The following ARHGAP10 variants were observed in gnomAD, a reference collection of about 807,000 sequenced individuals.
The protein encoded by ARHGAP10 is Rho GTPase activating protein 10, also known as rho GTPase-activating protein 10.
ARHGAP10 carries 87 observed loss-of-function variants against 108.6 expected under a neutral mutation model. The ratio of observed to expected loss-of-function variants is 0.80; its 90% CI spans 0.67 to 0.96. The LOEUF is 0.96. Among genes scored for constraint, ARHGAP10 ranks in the 40% least tolerant of loss-of-function variants. The probability of loss-of-function intolerance (pLI) is 0.00; values close to 1 mark genes in which losing one functional copy is unlikely to be tolerated. For synonymous variants in ARHGAP10, 347 were observed against 341.1 expected, an observed-to-expected ratio of 1.02 and a Z score of -0.19; for missense variants, 939 against 954.5, an observed-to-expected ratio of 0.98 and a Z score of 0.21.
intron 22 of ARHGAP10, 146 bp downstream of exon 22, chr4:148,064,653 A>G: frequency 1.4e-6 from 1 of 692,566 alleles, no homozygotes; most frequent in Non-Finnish European, 2.4e-6. Flanking sequence ...CGGCTGCGTT[A>G]GGCTCCCAGA....
chr4:147,932,677 T>A, intron 13 of ARHGAP10, among the ~76,000 whole-genome samples: 1 of 151,774 alleles, frequency 6.6e-6, no homozygotes. Flanking sequence ...AGGGAGAGGC[T>A]CAGGAAGAAT....
At chr4:147,742,638 C>T (rs538712631) in intron 1 of ARHGAP10, among the ~76,000 whole-genome samples, 1 of 151,898 alleles carries the variant, frequency 6.6e-6, no homozygotes. Flanking sequence ...CACCTGCCAC[C>T]ACGCCTGGCT....
intron 3 of ARHGAP10, among the ~76,000 whole-genome samples, chr4:147,839,878 G>T (rs1052447279): frequency 6.6e-6 from 1 of 152,224 alleles, no homozygotes; most frequent in African/African-American, 2.4e-5. Context: ...TCAGACTTGA[G>T]TAATTGTGGG....
At chr4:147,898,970 C>T (rs146518778) in intron 10 of ARHGAP10, among the ~76,000 whole-genome samples, 56 of 152,274 alleles carry the variant, frequency 3.7e-4, no homozygotes, top group Middle Eastern at 3.4e-3. Flanking sequence ...ATCCCTTTCT[C>T]GACATGTGGG....
chr4:147,879,385 A>G (rs1244089805), intron 9 of ARHGAP10, 47 bp downstream of exon 9: 6 of 1,525,488 alleles, frequency 3.9e-6, no homozygotes, highest in Non-Finnish European at 5.4e-6. Flanking sequence ...TGTCAGAGGT[A>G]GTGTTTGAGG....
chr4:147,912,204 T>C (rs1015902041), intron 12 of ARHGAP10, among the ~76,000 whole-genome samples: 8 of 152,086 alleles, frequency 5.3e-5, no homozygotes, highest in Non-Finnish European at 1.2e-4. Context: ...ATGTATACTA[T>C]TGGTAAATAG....
intron 15 of ARHGAP10, 95 bp downstream of exon 15, chr4:147,946,799 A>AACC: frequency 1.0e-6 from 1 of 977,460 alleles, no homozygotes; most frequent in Non-Finnish European, 1.4e-6. Flanking sequence ...CAATAGTTAA[A>AACC]TTAAGCCTTA....
At chr4:147,793,194 GTGTGTGTATA>G (rs1390247188) in intron 1 of ARHGAP10, among the ~76,000 whole-genome samples, 7 of 151,912 alleles carry the variant, frequency 4.6e-5, no homozygotes, top group African/African-American at 9.7e-5. Context: ...ATATGTGTGT[GTGTGTGTATA>G]TGTGTGTATA....
intron 10 of ARHGAP10, 23 bp downstream of exon 10, chr4:147,881,955 C>A: frequency 6.2e-7 from 1 of 1,603,162 alleles, no homozygotes. Context: ...AATTATTGGA[C>A]ATGGTGAAAG....
chr4:147,977,145 A>C (rs1021476873), intron 18 of ARHGAP10, among the ~76,000 whole-genome samples: 3 of 152,248 alleles, frequency 2.0e-5, no homozygotes, highest in Non-Finnish European at 4.4e-5. Context: ...AGAACTTGGC[A>C]TTCAATCAGT....
At chr4:147,850,411 A>G (rs924441840) in intron 4 of ARHGAP10, among the ~76,000 whole-genome samples, 2 of 152,174 alleles carry the variant, frequency 1.3e-5, no homozygotes, top group African/African-American at 2.4e-5. Flanking sequence ...TTGGGTCCAC[A>G]CTACCTTTAT....
chr4:147,863,704 G>A (rs959732886), intron 5 of ARHGAP10: 1 of 152,116 alleles, frequency 6.6e-6, no homozygotes, highest in African/African-American at 2.4e-5. Context: ...GCTGGTGGCT[G>A]AACTATTGAA....
chr4:148,044,526 A>T (rs1266203424), intron 19 of ARHGAP10, among the ~76,000 whole-genome samples: 5 of 152,156 alleles, frequency 3.3e-5, no homozygotes, highest in African/African-American at 9.7e-5. Flanking sequence ...TTCAGAACTG[A>T]TGACAGTTTG....
intron 13 of ARHGAP10, among the ~76,000 whole-genome samples, chr4:147,932,920 T>C (rs917969530): frequency 2.0e-5 from 3 of 152,362 alleles, no homozygotes; most frequent in African/African-American, 2.4e-5. Flanking sequence ...ATGTGAAATA[T>C]GAACATTCAG....
In ARHGAP10 at chr4:147,732,380, G is replaced by A; in HGVS notation, c.79G>A (p.Ala27Thr). Residue 27 changes from alanine to threonine, a missense_variant, in exon 1 of 23, where the codon GCG (alanine) becomes ACG (threonine). By Grantham distance (58) the Ala-to-Thr change is moderately conservative (BLOSUM62 0). Transcript: ENST00000336498. ...WFRERIRAHE[A>T]ELERTNKFIK... is the part of the protein sequence containing the mutation. ...CCGGGAGAGGATCCGCGCTCACGAA[G>A]CGGAACTCGAGAGGACCAACAAGTT... 1 of 1,613,602 alleles carries A rather than the reference G, an allele frequency of 6.2e-7. No homozygotes were observed. The highest frequency in any genetic ancestry group is 8.5e-7 in the Non-Finnish European group (1 of 1,179,668).
intron 19 of ARHGAP10, among the ~76,000 whole-genome samples, chr4:148,035,817 T>A (rs1392472475): frequency 1.3e-5 from 2 of 152,182 alleles, no homozygotes; most frequent in East Asian, 3.8e-4. Flanking sequence ...TTTTTCCCCC[T>A]AATGTAAGAC....
At chr4:147,976,617 G>A (rs1042788897) in intron 18 of ARHGAP10, among the ~76,000 whole-genome samples, 1 of 151,306 alleles carries the variant, frequency 6.6e-6, no homozygotes, top group Non-Finnish European at 1.5e-5. Flanking sequence ...TAAAAGCACA[G>A]GAAACTTTCT....
intron 18 of ARHGAP10, among the ~76,000 whole-genome samples, chr4:147,975,360 C>T (rs754844806): frequency 6.6e-5 from 10 of 152,052 alleles, no homozygotes; most frequent in Non-Finnish European, 1.3e-4. Flanking sequence ...CCTCCAGTCA[C>T]GGAGGAGCCT....
At chr4:147,776,097 C>A (rs1730276283) in intron 1 of ARHGAP10, among the ~76,000 whole-genome samples, 1 of 152,196 alleles carries the variant, frequency 6.6e-6, no homozygotes, top group Admixed American at 6.5e-5. Flanking sequence ...CCACTACTTG[C>A]AATCATTTAT....
Sources: gnomAD v4.1 joint callset for allele counts (sites outside exome capture counted in the v4.1 genomes callset) on GRCh38, gnomAD v4.1.1 for gene constraint, MANE v1.5 for transcripts, NCBI Gene and HGNC (gene_info 2026-07-23, HGNC 2026-07-21) for gene names.